NEMP1: variants seen among roughly 807,000 people sequenced by gnomAD.
NEMP1 encodes the protein transmembrane protein 194.
A neutral mutation model predicts 53.7 loss-of-function variants in NEMP1; 29 were observed. That is an observed-to-expected ratio of 0.54 (90% confidence interval 0.40 to 0.74). The LOEUF (loss-of-function observed/expected upper bound fraction) is 0.74, where lower values mean the gene tolerates loss of function less well. NEMP1 is among the 30% of genes least tolerant of loss of function. The probability of loss-of-function intolerance (pLI) is 0.00; values close to 1 mark genes in which losing one functional copy is unlikely to be tolerated. For synonymous variants in NEMP1, 193 were observed against 192.9 expected, an observed-to-expected ratio of 1.00 and a Z score of 0.00; for missense variants, 477 against 528.6, an observed-to-expected ratio of 0.90 and a Z score of 0.96.
intron 2 of NEMP1, among the ~76,000 whole-genome samples, chr12:57,072,300 T>C (rs1288738887): frequency 6.6e-6 from 1 of 151,814 alleles, no homozygotes; most frequent in African/African-American, 2.4e-5. Flanking sequence ...ATTGGTCAGG[T>C]GTGGTGGCGT....
At chr12:57,060,527 G>T (rs958951161) in intron 8 of NEMP1, among the ~76,000 whole-genome samples, 9 of 152,136 alleles carry the variant, frequency 5.9e-5, no homozygotes, top group African/African-American at 2.2e-4. Context: ...CTTTCAGAAG[G>T]GAAACTTAAT....
rs527482046 is a variant in NEMP1, at chr12:57,058,617, G to C, written c.*1262C>G. The C allele has an allele frequency of 6.6e-6, 1 of 152,194 alleles. No homozygotes were observed. Among genetic ancestry groups the C allele is most frequent in the Non-Finnish European group, 1.5e-5 (1 of 68,052 alleles). The allele number at this position is 152,194 out of a possible 1,614,324, so 9.4% of individuals were successfully genotyped here. ...GCAGCATACATCTCAGGTCAGAAAC[G>C]CAATCATAAATAAGTGTAAGTTCAT... On this transcript the variant is annotated 3_prime_UTR_variant, in exon 9 of 9. Transcript: ENST00000300128.
chr12:57,063,468 A>ATC, intron 6 of NEMP1, 124 bp from the exon 7 acceptor site: 2 of 724,940 alleles, frequency 2.8e-6, no homozygotes, highest in Non-Finnish European at 4.5e-6. Context: ...ATTTTTACTT[A>ATC]ATTTTTCACA....
upstream of NEMP1, among the ~76,000 whole-genome samples, chr12:57,082,059 A>G (rs1363628183): frequency 2.0e-5 from 3 of 151,942 alleles, no homozygotes. Context: ...TCTACTAAAA[A>G]TACAAAAATT....
Position 57,069,221 on chromosome 12 carries a change from C to T in NEMP1, c.545+13G>A. ...TGAGCCGTTTCATTCTGCACACTAG[C>T]CTTGGAACCTACCTGCTCAGCAAGT... On this transcript the variant is annotated intron_variant, in intron 4 of 8. Coordinates refer to ENST00000300128, the MANE Select transcript of NEMP1 (RefSeq NM_001130963.2). The T allele has an allele frequency of 4.6e-6, 7 of 1,535,566 alleles. No homozygotes were observed. Among genetic ancestry groups the T allele is most frequent in the Non-Finnish European group, 6.1e-6 (7 of 1,139,236 alleles).
intron 7 of NEMP1, among the ~76,000 whole-genome samples, chr12:57,062,874 T>C (rs1053697999): frequency 3.3e-5 from 5 of 151,994 alleles, no homozygotes; most frequent in Admixed American, 6.6e-5. Context: ...TGCACCACCT[T>C]GTGGTAACAG....
Position 57,085,170 on chromosome 12 carries a change from ATTTTTG to A in NEMP1, n.113+2775_113+2780del, listed in dbSNP as rs546689540. 1.5e-3 allele frequency among the ~76,000 whole-genome samples: 226 copies of A among 152,036 alleles called. 2 individuals carry two copies. The highest frequency in any genetic ancestry group is 5.2e-3 in the South Asian group (25 of 4,812). ...TGACTTGACTTCCCTTCCTCCTAGAATTTTTGTTTTTGTTTTTGTTTTTTGTTTTTG... is the reference window on the plus strand; with the variant it reads ...TGACTTGACTTCCCTTCCTCCTAGAATTTTTGTTTTTGTTTTTTGTTTTTG... On this transcript the variant is annotated intron_variant and non_coding_transcript_variant, in intron 1 of 2. Transcript: ENST00000553654.
At chr12:57,077,983 G>A (rs2136520348) in intron 1 of NEMP1, among the ~76,000 whole-genome samples, 1 of 152,224 alleles carries the variant, frequency 6.6e-6, no homozygotes, top group South Asian at 2.1e-4. Context: ...TCCGGAGGCT[G>A]AAGCAGGAGA....
At chr12:57,086,943 T>C (rs1228490921) in intron 1 of NEMP1, among the ~76,000 whole-genome samples, 1 of 152,210 alleles carries the variant, frequency 6.6e-6, no homozygotes, top group Admixed American at 6.5e-5. Flanking sequence ...CATTCTCTCA[T>C]CCGAATCTCA....
rs558675953 is a variant in NEMP1 at position 57,063,211 on chromosome 12, G to C, written c.888C>G (p.Ile296Met). ...TGGCAAGGGCAATATGTGGTATCTG[G>C]ATGCCAGAATACATGAAACACAGGC... ...LMGLCFMYSGIQIPHIALAII... is the reference protein window; with the variant it reads ...LMGLCFMYSGMQIPHIALAII... The change falls in exon 7 of 9, where the codon ATC (isoleucine) becomes ATG (methionine). Residue 296 changes from isoleucine (I) to methionine (M), a missense_variant. Physicochemically the swap from Ile to Met is conservative, Grantham distance 10 (BLOSUM62 1). Transcript: ENST00000300128. The C allele has an allele frequency of 1.1e-5, 17 of 1,614,158 alleles. No homozygotes were observed. The South Asian group carries it at 1.9e-4, about 18-fold the overall frequency.
At position 57,058,145 on chromosome 12, in the gene NEMP1, T is replaced by G. The variant is rs1185444623; in HGVS notation, c.*1734A>C. On this transcript the variant is annotated 3_prime_UTR_variant, in exon 9 of 9. Transcript: ENST00000300128. Reference sequence around the variant, plus strand: ...TGCTCATTTTTCACTTTCTACTATATGTCTCTTTCCTGCCAACTGAGGTAG... The same window carrying G: ...TGCTCATTTTTCACTTTCTACTATAGGTCTCTTTCCTGCCAACTGAGGTAG... The G allele has an allele frequency of 6.6e-6, 1 of 151,576 alleles. No homozygotes were observed. The highest frequency in any genetic ancestry group is 1.5e-5 in the Non-Finnish European group (1 of 68,016). The allele number at this position is 151,576 out of a possible 1,614,324, so 9.4% of individuals were successfully genotyped here. A position where few individuals can be genotyped will look rare whatever the true frequency, so the allele number is the denominator to read the frequency against.
At chr12:57,062,135 A>C (rs1250202804) in intron 7 of NEMP1, among the ~76,000 whole-genome samples, 1 of 152,222 alleles carries the variant, frequency 6.6e-6, no homozygotes, top group Non-Finnish European at 1.5e-5. Flanking sequence ...TATGAATTAC[A>C]TCTTAAAATA....
chr12:57,082,494 C>T (rs2032874847), upstream of NEMP1, among the ~76,000 whole-genome samples: 1 of 152,166 alleles, frequency 6.6e-6, no homozygotes, highest in African/African-American at 2.4e-5. Flanking sequence ...CTGAGGATGG[C>T]TTGAGCCCAG....
chr12:57,066,485 TCTCA>T (rs1210015637), intron 4 of NEMP1, among the ~76,000 whole-genome samples: 1 of 152,194 alleles, frequency 6.6e-6, no homozygotes, highest in Non-Finnish European at 1.5e-5. Context: ...CTTTTGCTGT[TCTCA>T]CTAAGCATAA....
At chr12:57,070,453 A>G (rs1174529008) in intron 3 of NEMP1, among the ~76,000 whole-genome samples, 1 of 152,206 alleles carries the variant, frequency 6.6e-6, no homozygotes, top group African/African-American at 2.4e-5. Flanking sequence ...AGTTCCAGGT[A>G]AGGAGGTACT....
In NEMP1 at chr12:57,057,684, C is replaced by T. The variant is rs970821662; in HGVS notation, c.*2195G>A. ...GTAAAAAACAGTTTGATTTTATTCA[C>T]CTCAAGTCTAAACACGGTGGAAAAA... On this transcript the variant is annotated 3_prime_UTR_variant, in exon 9 of 9. Coordinates refer to ENST00000300128, the MANE Select transcript of NEMP1 (RefSeq NM_001130963.2). The T allele has an allele frequency of 6.6e-6, 1 of 152,182 alleles. No individual in the cohort carries two copies. The highest frequency in any genetic ancestry group is 2.4e-5 in the African/African-American group (1 of 41,434). 9.4% of individuals were successfully genotyped at this position (152,182 alleles called of 1,614,324 possible).
At chr12:57,086,065 G>T (rs1262113949) in intron 1 of NEMP1, among the ~76,000 whole-genome samples, 1 of 152,208 alleles carries the variant, frequency 6.6e-6, no homozygotes, top group Non-Finnish European at 1.5e-5. Context: ...AATTAATTCT[G>T]CCTGGAGGAG....
intron 1 of NEMP1, among the ~76,000 whole-genome samples, chr12:57,084,125 G>A (rs1041114178): frequency 6.6e-6 from 1 of 152,314 alleles, no homozygotes; most frequent in East Asian, 1.9e-4. Context: ...ACCACGCCCA[G>A]GTAATTTTTG....
In NEMP1 at chr12:57,063,160, C is replaced by A. The variant is rs2031900686; in HGVS notation, c.939G>T (p.Lys313Asn). ...LAIIIIALCT[K>N]NLEHPIQWLY... Reference sequence around the variant, plus strand: ...GCCACTGAATAGGGTGTTCCAGGTTCTTAGTACAAAGAGCAATGATGATAA... The same window carrying A: ...GCCACTGAATAGGGTGTTCCAGGTTATTAGTACAAAGAGCAATGATGATAA... The change falls in exon 7 of 9, where the codon AAG becomes AAT. Residue 313 changes from lysine to asparagine, a missense_variant. Lys to Asn is a moderately conservative substitution (Grantham distance 94). Transcript: ENST00000300128. 2.5e-6 allele frequency: 4 copies of A among 1,614,112 alleles called. No individual in the cohort carries two copies. In the South Asian group the frequency reaches 3.3e-5, roughly 13 times the overall value.
Sources: allele counts gnomAD v4.1 joint callset (sites outside exome capture counted in the v4.1 genomes callset), GRCh38; gene constraint gnomAD v4.1.1; transcripts MANE v1.5; gene names NCBI Gene and HGNC (gene_info 2026-07-23, HGNC 2026-07-21).